PSD3: variants seen among roughly 807,000 people sequenced by gnomAD.
The protein encoded by PSD3 is pleckstrin and Sec7 domain containing 3.
A neutral mutation model predicts 105.5 loss-of-function variants in PSD3; 49 were observed. The observed-to-expected ratio is 0.46, with a 90% confidence interval of 0.37 to 0.59. The LOEUF is 0.59. Ranked by LOEUF, PSD3 falls within the 20% of genes least tolerant of loss-of-function variation. PSD3 has a pLI of 0.00. For missense variants in PSD3, 1,561 were observed against 1,263.8 expected (o/e 1.24, Z -3.57); for synonymous variants, 557 against 457.8 (o/e 1.22, Z -2.77).
At chr8:18,620,166 C>A (rs1203773345) in intron 11 of PSD3, among the ~76,000 whole-genome samples, 1 of 152,122 alleles carries the variant, frequency 6.6e-6, no homozygotes, top group Non-Finnish European at 1.5e-5. Context: ...TCCCTAAAAC[C>A]CACCTATGAC....
At chr8:19,007,788 T>C in intron 1 of PSD3, among the ~76,000 whole-genome samples, 1 of 152,240 alleles carries the variant, frequency 6.6e-6, no homozygotes, top group East Asian at 1.9e-4. Context: ...TACTTTCAGA[T>C]ATTAGCTCAT....
chr8:18,938,600 G>A (rs1004892749), intron 1 of PSD3, among the ~76,000 whole-genome samples: 4 of 146,478 alleles, frequency 2.7e-5, no homozygotes, highest in African/African-American at 1.0e-4. Flanking sequence ...TCCAGCCTAG[G>A]CGACAAAAGC....
intron 2 of PSD3, among the ~76,000 whole-genome samples, chr8:18,907,427 A>T (rs892125059): frequency 3.9e-5 from 6 of 152,176 alleles, no homozygotes; most frequent in African/African-American, 1.4e-4. Flanking sequence ...CTCCCACCTT[A>T]GCCTCCCAAA....
chr8:18,858,179 G>A (rs191748474), intron 4 of PSD3, among the ~76,000 whole-genome samples: 15 of 152,276 alleles, frequency 9.9e-5, no homozygotes, highest in Non-Finnish European at 1.8e-4. Context: ...TCACAATAGA[G>A]CAAGTGATAC....
At chr8:18,594,148 T>G (rs1481693854) in intron 12 of PSD3, among the ~76,000 whole-genome samples, 1 of 65,564 alleles carries the variant, frequency 1.5e-5, no homozygotes, top group African/African-American at 5.2e-5. Flanking sequence ...ATATATTATA[T>G]AATATATATT....
At chr8:18,804,254 T>A (rs1810992856) in intron 6 of PSD3, 2 of 317,294 alleles carry the variant, frequency 6.3e-6, no homozygotes, top group African/African-American at 4.3e-5. Context: ...AGTGCTGAAA[T>A]AAGGTTCAAA....
chr8:18,989,870 T>C (rs1825699346), intron 1 of PSD3, among the ~76,000 whole-genome samples: 1 of 152,182 alleles, frequency 6.6e-6, no homozygotes, highest in African/African-American at 2.4e-5. Context: ...TGCCTTATCT[T>C]TGATCTAAGA....
intron 8 of PSD3, among the ~76,000 whole-genome samples, chr8:18,770,485 C>G (rs973921417): frequency 6.6e-6 from 1 of 152,148 alleles, no homozygotes; most frequent in Admixed American, 6.5e-5. Context: ...TTCCCTGACC[C>G]CTTCATGGGC....
chr8:18,558,514 T>C (rs760360475), intron 14 of PSD3, among the ~76,000 whole-genome samples: 3 of 152,168 alleles, frequency 2.0e-5, no homozygotes, highest in East Asian at 1.9e-4. Flanking sequence ...TATAAAGATA[T>C]GTAACCATAA....
chr8:18,641,699 T>C (rs1231306118), intron 10 of PSD3, among the ~76,000 whole-genome samples: 1 of 152,130 alleles, frequency 6.6e-6, no homozygotes, highest in Non-Finnish European at 1.5e-5. Flanking sequence ...AATAAAGCAG[T>C]TTAAAAAATA....
chr8:18,789,850 G>A (rs962557289), intron 8 of PSD3, among the ~76,000 whole-genome samples: 1 of 152,188 alleles, frequency 6.6e-6, no homozygotes, highest in Non-Finnish European at 1.5e-5. Context: ...GAGCGAAACT[G>A]ACTTAGAATT....
chr8:18,959,186 G>A (rs761399689), intron 1 of PSD3, among the ~76,000 whole-genome samples: 1 of 152,192 alleles, frequency 6.6e-6, no homozygotes, highest in Non-Finnish European at 1.5e-5. Context: ...CTCCCAAAGT[G>A]CTGGGATTAC....
chr8:18,717,092 A>G (rs1022560627), intron 9 of PSD3, among the ~76,000 whole-genome samples: 1 of 152,256 alleles, frequency 6.6e-6, no homozygotes, highest in Non-Finnish European at 1.5e-5. Context: ...ATTAGCTTCC[A>G]GCACTAAAAT....
intron 12 of PSD3, among the ~76,000 whole-genome samples, chr8:18,584,195 G>A: frequency 6.6e-6 from 1 of 152,178 alleles, no homozygotes; most frequent in Non-Finnish European, 1.5e-5. Flanking sequence ...ATATCCCAGT[G>A]AAAGAGTGGC....
At chr8:18,939,622 CA>C (rs1466434214) in intron 1 of PSD3, among the ~76,000 whole-genome samples, 1 of 151,692 alleles carries the variant, frequency 6.6e-6, no homozygotes, top group Non-Finnish European at 1.5e-5. Context: ...AGTTGGGATA[CA>C]TATATTATCA....
chr8:18,616,971 C>T (rs1805739730), intron 11 of PSD3, among the ~76,000 whole-genome samples: 1 of 152,160 alleles, frequency 6.6e-6, no homozygotes, highest in South Asian at 2.1e-4. Flanking sequence ...CCCATTCTTT[C>T]TGTAACTTCA....
At chr8:18,656,128 G>A (rs992761983) in intron 9 of PSD3, among the ~76,000 whole-genome samples, 1 of 152,086 alleles carries the variant, frequency 6.6e-6, no homozygotes, top group African/African-American at 2.4e-5. Flanking sequence ...CACAATCTTG[G>A]CTCACTGCAA....
chr8:18,539,975 G>A (rs1341366354), intron 15 of PSD3, among the ~76,000 whole-genome samples: 2 of 152,028 alleles, frequency 1.3e-5, no homozygotes, highest in African/African-American at 4.8e-5. Context: ...CCTGCTTCCT[G>A]AACAGCCTCT....
At position 18,637,023 on chromosome 8, in the gene PSD3, C is replaced by T. The variant is rs111983291; in HGVS notation, c.2217-4217G>A. On this transcript the variant is annotated intron_variant, in intron 10 of 15. Transcript: ENST00000327040. ...AAGCCAGCACATTCCAGCCTTCTCC[C>T]ACTTGCTTATCTGTACATCTTCAAT... 1.9e-3 allele frequency among the ~76,000 whole-genome samples: 285 copies of T among 152,304 alleles called. 1 individual carries two copies. Among genetic ancestry groups the T allele is most frequent in the African/African-American group, 6.6e-3 (273 of 41,578 alleles).
Sources: gnomAD v4.1 joint callset for allele counts (sites outside exome capture counted in the v4.1 genomes callset) on GRCh38, gnomAD v4.1.1 for gene constraint, MANE v1.5 for transcripts, NCBI Gene and HGNC (gene_info 2026-07-23, HGNC 2026-07-21) for gene names.